The following CPEB1 variants were observed in gnomAD, a reference collection of about 807,000 sequenced individuals.
The protein encoded by CPEB1 is cytoplasmic polyadenylation element binding protein 1, also known as cytoplasmic polyadenylation element-binding protein 1.
CPEB1 carries 7 observed loss-of-function variants against 65.8 expected under a neutral mutation model. That is an observed-to-expected ratio of 0.11 (90% CI 0.06 to 0.20). CPEB1 has a LOEUF of 0.20. Among genes scored for constraint, CPEB1 ranks in the 10% least tolerant of loss-of-function variants. CPEB1 has a pLI of 1.00. For synonymous variants in CPEB1, 262 were observed against 260.0 expected (o/e 1.01, Z -0.08); for missense variants, 551 against 712.2 (o/e 0.77, Z 2.58).
chr15:82,556,204 A>AC, intron 5 of CPEB1, 82 bp from the exon 6 acceptor site: 4 of 1,394,908 alleles, frequency 2.9e-6, no homozygotes, highest in Non-Finnish European at 2.9e-6. Context: ...ATTATTAAAA[A>AC]CATCCAATAG....
rs2034749132 is a variant in CPEB1 at position 82,544,106 on chromosome 15, G to T, written c.*486C>A. ...ACACTCAGTTTATGCCGTTCAGGTG[G>T]GGGTTAAATAAATGGAAAGGCACTG... On this transcript the variant is annotated 3_prime_UTR_variant, in exon 13 of 13. Transcript: ENST00000684509. The T allele has an allele frequency of 6.5e-6, 1 of 153,036 alleles. No homozygotes were observed. Among genetic ancestry groups the T allele is most frequent in the African/African-American group, 2.4e-5 (1 of 41,392 alleles). 9.5% of individuals were successfully genotyped at this position (153,036 alleles called of 1,614,324 possible).
chr15:82,631,883 A>AT lies in CPEB1; in HGVS notation c.-97-3328dup, dbSNP rs781133540. On this transcript the variant is annotated intron_variant, in intron 1 of 12. Transcript: ENST00000684509. The stretch of plus-strand genomic sequence containing the variant: ...TGACCAAGAAGTGTTTCAGATTTGG[A>AT]TTTTTTTTTTTTTGGAAGCTGGAAC... 2.8e-3 allele frequency among the ~76,000 whole-genome samples: 398 copies of AT among 142,760 alleles called. 2 individuals carry two copies. Among genetic ancestry groups the AT allele is most frequent in the South Asian group, 9.4e-3 (42 of 4,482 alleles). The allele number at this position is 142,760 out of a possible 152,430, so 93.7% of individuals were successfully genotyped here.
chr15:82,611,951 T>C (rs1252552154), intron 3 of CPEB1, among the ~76,000 whole-genome samples: 1 of 151,860 alleles, frequency 6.6e-6, no homozygotes, highest in East Asian at 1.9e-4. Context: ...ACTGGAAATT[T>C]TGTAATCCCA....
chr15:82,590,557 G>C (rs1393337271), intron 3 of CPEB1, among the ~76,000 whole-genome samples: 1 of 152,118 alleles, frequency 6.6e-6, no homozygotes, highest in Non-Finnish European at 1.5e-5. Flanking sequence ...TGTTATATGA[G>C]TAAACTCGTG....
At chr15:82,616,266 T>G (rs1434472813) in intron 3 of CPEB1, among the ~76,000 whole-genome samples, 1 of 152,080 alleles carries the variant, frequency 6.6e-6, no homozygotes, top group Non-Finnish European at 1.5e-5. Flanking sequence ...CTTTAAACTG[T>G]GCATTTTCCT....
At chr15:82,580,578 T>C (rs1485417874) in intron 3 of CPEB1, among the ~76,000 whole-genome samples, 1 of 152,132 alleles carries the variant, frequency 6.6e-6, no homozygotes, top group African/African-American at 2.4e-5. Context: ...TCAGAGGCAT[T>C]AGTACATTCA....
At chr15:82,590,073 A>G (rs191163362) in intron 3 of CPEB1, among the ~76,000 whole-genome samples, 19 of 152,270 alleles carry the variant, frequency 1.2e-4, no homozygotes, top group South Asian at 6.2e-4. Flanking sequence ...GTATTTCTTC[A>G]TAGCTTTTCT....
At chr15:82,594,018 C>CT (rs934599047) in intron 3 of CPEB1, among the ~76,000 whole-genome samples, 1 of 152,198 alleles carries the variant, frequency 6.6e-6, no homozygotes, top group African/African-American at 2.4e-5. Context: ...TAGCATGTTT[C>CT]TTAAGGGCCC....
intron 4 of CPEB1, among the ~76,000 whole-genome samples, chr15:82,558,191 C>T (rs904546447): frequency 7.2e-5 from 11 of 152,228 alleles, no homozygotes; most frequent in Admixed American, 2.0e-4. Context: ...TACAAGCTGA[C>T]TGAAGACCAG....
At chr15:82,645,511 T>TATAAACTATAAA (rs2047431438) in intron 1 of CPEB1, among the ~76,000 whole-genome samples, 1 of 152,118 alleles carries the variant, frequency 6.6e-6, no homozygotes, top group Non-Finnish European at 1.5e-5. Context: ...CAAATCCTAC[T>TATAAACTATAAA]TCTATAAACT....
In CPEB1 at chr15:82,544,280, T is replaced by TTG. The variant is rs1268764122; in HGVS notation, c.*311_*312insCA. The TTG allele has an allele frequency of 5.6e-4, 125 of 223,652 alleles. No homozygotes were observed. Among genetic ancestry groups the TTG allele is most frequent in the Middle Eastern group, 1.5e-3 (1 of 686 alleles). 13.9% of individuals were successfully genotyped at this position (223,652 alleles called of 1,614,324 possible). A position where few individuals can be genotyped will look rare whatever the true frequency, so the allele number is the denominator to read the frequency against. ...TACCTTCTGGACACGTAGTTTTTTT[T>TTG]TTTTTTTTTTTTTTCCCCGCTTTTC... On this transcript the variant is annotated 3_prime_UTR_variant, in exon 13 of 13. Transcript: ENST00000684509.
intron 3 of CPEB1, among the ~76,000 whole-genome samples, chr15:82,579,022 CA>C (rs778840342): frequency 2.0e-5 from 3 of 152,088 alleles, no homozygotes; most frequent in Non-Finnish European, 4.4e-5. Flanking sequence ...AGGGTTTCAC[CA>C]TGTTGGCCAG....
chr15:82,575,165 T>G (rs2040516200), intron 3 of CPEB1, among the ~76,000 whole-genome samples: 1 of 152,228 alleles, frequency 6.6e-6, no homozygotes, highest in Non-Finnish European at 1.5e-5. Flanking sequence ...TGAACCAACC[T>G]AAGTCTGGGG....
At chr15:82,605,070 G>C (rs1280543150) in intron 3 of CPEB1, among the ~76,000 whole-genome samples, 1 of 152,152 alleles carries the variant, frequency 6.6e-6, no homozygotes, top group Non-Finnish European at 1.5e-5. Context: ...AGAAATTGTG[G>C]AGCCAGAAGG....
At chr15:82,582,144 G>A (rs535086006) in intron 3 of CPEB1, among the ~76,000 whole-genome samples, 62 of 152,292 alleles carry the variant, frequency 4.1e-4, no homozygotes, top group African/African-American at 1.5e-3. Flanking sequence ...CAAAATTGGA[G>A]GCCACAGATT....
In CPEB1 at chr15:82,583,869, T is replaced by C. The variant is rs75310267; in HGVS notation, c.272-12337A>G. 5.8e-3 allele frequency among the ~76,000 whole-genome samples: 881 copies of C among 152,306 alleles called. 5 individuals are homozygous for C. Among genetic ancestry groups the C allele is most frequent in the Non-Finnish European group, 9.2e-3 (628 of 68,016 alleles). Reference sequence around the variant, plus strand: ...TAAATAAATGTCAAGGTATGTACAATGCCTGTAAAGGAATCAATATGAATT... The same window carrying C: ...TAAATAAATGTCAAGGTATGTACAACGCCTGTAAAGGAATCAATATGAATT... On this transcript the variant is annotated intron_variant, in intron 3 of 12. Coordinates refer to ENST00000684509, the MANE Select transcript of CPEB1 (RefSeq NM_001365242.1).
intron 3 of CPEB1, among the ~76,000 whole-genome samples, chr15:82,609,148 C>G (rs1400926874): frequency 6.6e-6 from 1 of 152,128 alleles, no homozygotes; most frequent in Non-Finnish European, 1.5e-5. Context: ...AAGAAACACA[C>G]CATACTAAAA....
chr15:82,641,879 A>G (rs778070248), intron 1 of CPEB1, among the ~76,000 whole-genome samples: 3 of 152,204 alleles, frequency 2.0e-5, no homozygotes, highest in African/African-American at 7.2e-5. Context: ...ACCACATTAT[A>G]TATTAGGGTG....
At chr15:82,580,882 CCTT>C (rs1453326847) in intron 3 of CPEB1, among the ~76,000 whole-genome samples, 1 of 149,962 alleles carries the variant, frequency 6.7e-6, no homozygotes, top group Non-Finnish European at 1.5e-5. Flanking sequence ...GACAGGGTCT[CCTT>C]CTGTCACCCA....
Sources: gnomAD v4.1 joint callset for allele counts (sites outside exome capture counted in the v4.1 genomes callset) on GRCh38, gnomAD v4.1.1 for gene constraint, MANE v1.5 for transcripts, NCBI Gene and HGNC (gene_info 2026-07-23, HGNC 2026-07-21) for gene names.